MGA: variants seen among roughly 807,000 people sequenced by gnomAD.
MGA encodes the protein MAX gene-associated protein.
A neutral mutation model predicts 261.1 loss-of-function variants in MGA; 40 were observed. The observed-to-expected ratio is 0.15, with a 90% confidence interval of 0.12 to 0.20. The LOEUF is 0.20. Ranked by LOEUF, MGA falls within the 10% of genes least tolerant of loss-of-function variation. The probability of loss-of-function intolerance (pLI) is 1.00; values close to 1 mark genes in which losing one functional copy is unlikely to be tolerated. For synonymous variants in MGA, 1,302 were observed against 1,290.6 expected, an observed-to-expected ratio of 1.01 and a Z score of -0.19; for missense variants, 3,397 against 3,630.5, an observed-to-expected ratio of 0.94 and a Z score of 1.65.
Position 41,743,121 on chromosome 15 carries a change from C to G in MGA, c.5161C>G (p.Pro1721Ala). 1 of 1,613,384 alleles carries G rather than the reference C, an allele frequency of 6.2e-7. No individual in the cohort carries two copies. Among genetic ancestry groups the G allele is most frequent in the Non-Finnish European group, 8.5e-7 (1 of 1,179,602 alleles). ...ACCAACTTCATCTCTGGGCTCTGTT[C>G]CTATTATACTCTCAGGAATTAATGG... is the stretch of plus-strand genomic sequence containing the variant. Residue 1721 changes from proline (P) to alanine (A), a missense_variant, in exon 15 of 24, where the codon CCT (proline) becomes GCT (alanine). Pro to Ala is a conservative substitution (Grantham distance 27). Around this residue, in one of 9 missense-constraint regions of MGA, gnomAD observed 1,410 missense variants for 1,386.4 expected, o/e 1.02. Transcript: ENST00000219905.
At chr15:41,752,549 G>GTTTTTT (rs35282917) in intron 17 of MGA, among the ~76,000 whole-genome samples, 2 of 102,140 alleles carry the variant, frequency 2.0e-5, no homozygotes, top group Non-Finnish European at 3.7e-5. Context: ...AACCTTTAAA[G>GTTTTTT]TTTTTTTTTT....
Position 41,699,393 on chromosome 15 carries a change from A to G in MGA, c.2188+234A>G, listed in dbSNP as rs531887796. On this transcript the variant is annotated intron_variant, in intron 5 of 23. Coordinates refer to ENST00000219905, the MANE Select transcript of MGA (RefSeq NM_001164273.2). ...ATGTCTAATATCTTATGTAAGAAAA[A>G]AATGTATCATGGTAAAGCAAGTGAT... 5.9e-5 allele frequency among the ~76,000 whole-genome samples: 9 copies of G among 152,306 alleles called. No individual in the cohort carries two copies. In the East Asian group the frequency reaches 1.7e-3, roughly 29 times the overall value.
At chr15:41,714,583 A>G (rs918310624) in intron 9 of MGA, among the ~76,000 whole-genome samples, 3 of 152,202 alleles carry the variant, frequency 2.0e-5, no homozygotes, top group Non-Finnish European at 4.4e-5. Context: ...AGCTCACTGC[A>G]ACCTCCACCT....
At chr15:41,633,919 T>C (rs2056646755) in intron 1 of MGA, among the ~76,000 whole-genome samples, 1 of 152,140 alleles carries the variant, frequency 6.6e-6, no homozygotes. Flanking sequence ...TCTGACCTTA[T>C]CTCTTAACAC....
upstream of MGA, among the ~76,000 whole-genome samples, chr15:41,659,182 C>T (rs1234382016): frequency 3.9e-5 from 6 of 152,148 alleles, no homozygotes; most frequent in Non-Finnish European, 7.4e-5. Context: ...GTAGCCTACA[C>T]GTTTTCTAGT....
At chr15:41,624,248 T>G (rs2056388526) in intron 1 of MGA, among the ~76,000 whole-genome samples, 1 of 151,246 alleles carries the variant, frequency 6.6e-6, no homozygotes, top group Non-Finnish European at 1.5e-5. Flanking sequence ...TATTTTTTTT[T>G]TTTTAATTTT....
intron 2 of MGA, among the ~76,000 whole-genome samples, chr15:41,685,921 C>T (rs1257629063): frequency 2.0e-5 from 3 of 150,966 alleles, no homozygotes; most frequent in Non-Finnish European, 4.4e-5. Flanking sequence ...AGGAGAATGG[C>T]GTGTACCCGG....
At chr15:41,752,855 G>A (rs1324967949) in intron 17 of MGA, among the ~76,000 whole-genome samples, 1 of 152,034 alleles carries the variant, frequency 6.6e-6, no homozygotes, top group African/African-American at 2.4e-5. Flanking sequence ...AACTGCCTCC[G>A]GCCTGAAGTA....
At chr15:41,664,997 A>G (rs1463028826) in intron 1 of MGA, among the ~76,000 whole-genome samples, 1 of 152,176 alleles carries the variant, frequency 6.6e-6, no homozygotes, top group Non-Finnish European at 1.5e-5. Flanking sequence ...CTTTCCTGAT[A>G]TTAGTGCTTT....
intron 1 of MGA, among the ~76,000 whole-genome samples, chr15:41,635,824 T>G (rs2150579318): frequency 1.3e-5 from 2 of 152,326 alleles, no homozygotes; most frequent in East Asian, 3.9e-4. Flanking sequence ...CTGAAAAATT[T>G]CTGTTGCATA....
intron 1 of MGA, among the ~76,000 whole-genome samples, chr15:41,629,102 T>A (rs2056530557): frequency 8.1e-6 from 1 of 122,942 alleles, no homozygotes; most frequent in Non-Finnish European, 1.7e-5. Flanking sequence ...CAAGACTTCG[T>A]CTCAAAAAAA....
rs1161282046 is a variant in MGA at position 41,760,490 on chromosome 15, T to A, written c.7359T>A (p.Leu2453=). 7 of 1,613,930 alleles carry A rather than the reference T, an allele frequency of 4.3e-6. No homozygotes were observed. The Admixed American group carries it at 5.0e-5, about 12-fold the overall frequency. ...AATTAAAGATCACATTGGGATTACTTCATTCTTCCAAGGTTTCCAAAAGTC... is the reference window on the plus strand; with the variant it reads ...AATTAAAGATCACATTGGGATTACTACATTCTTCCAAGGTTTCCAAAAGTC... Residue 2453 remains leucine (L), a synonymous_variant, in exon 20 of 24, where the codon CTT becomes CTA. Transcript: ENST00000219905.
In MGA at chr15:41,764,930, G is replaced by T; in HGVS notation, c.7789G>T (p.Val2597Leu). Residue 2597 changes from valine (V) to leucine (L), a missense_variant, in exon 23 of 24, where the codon GTG (valine) becomes TTG (leucine). By Grantham distance (32) the Val-to-Leu change is conservative. This residue lies in a region of MGA where 647 missense variants were observed against 642.4 expected (regional missense o/e 1.01). Transcript: ENST00000219905. ...CACTCCACACACCTCTGCCAACCTT[G>T]TGATGACTCCGCAAGGGCAATTGCT... The T allele has an allele frequency of 6.2e-7, 1 of 1,613,992 alleles. No homozygotes were observed. The highest frequency in any genetic ancestry group is 8.5e-7 in the Non-Finnish European group (1 of 1,179,886).
intron 9 of MGA, among the ~76,000 whole-genome samples, chr15:41,716,014 C>T (rs796730675): frequency 3.9e-5 from 6 of 152,238 alleles, no homozygotes; most frequent in African/African-American, 1.4e-4. Context: ...GTGCCCTATC[C>T]TTGACTATAA....
intron 11 of MGA, 89 bp from the exon 12 acceptor site, chr15:41,734,433 C>G: frequency 9.9e-7 from 1 of 1,007,918 alleles, no homozygotes; most frequent in East Asian, 2.6e-5. Context: ...ATTTAAACTT[C>G]TGTGAGAGAT....
At chr15:41,642,072 A>T (rs915246400) in intron 1 of MGA, among the ~76,000 whole-genome samples, 1 of 152,136 alleles carries the variant, frequency 6.6e-6, no homozygotes, top group Non-Finnish European at 1.5e-5. Context: ...AAGTGCTGGG[A>T]TTACAGGTTT....
chr15:41,764,880 T>G lies in MGA; in HGVS notation c.7745-6T>G, dbSNP rs751646097. The G allele has an allele frequency of 6.2e-7, 1 of 1,613,632 alleles. No individual in the cohort carries two copies. The highest frequency in any genetic ancestry group is 2.2e-5 in the East Asian group (1 of 44,870). ...ATCTATAACTAATTTCTGATCTTTCTTACAGAAAATACCTCACCCTTGAAC... is the reference window on the plus strand; with the variant it reads ...ATCTATAACTAATTTCTGATCTTTCGTACAGAAAATACCTCACCCTTGAAC... On this transcript the variant is annotated splice_region_variant and splice_polypyrimidine_tract_variant and intron_variant, in intron 22 of 23. Coordinates refer to ENST00000219905, the MANE Select transcript of MGA (RefSeq NM_001164273.2).
At chr15:41,675,555 T>G (rs910426559) in intron 2 of MGA, among the ~76,000 whole-genome samples, 2 of 152,060 alleles carry the variant, frequency 1.3e-5, no homozygotes, top group African/African-American at 4.8e-5. Flanking sequence ...TAAAAAAGAT[T>G]TATGTAGAAA....
chr15:41,728,381 C>G (rs1395557359), intron 10 of MGA, among the ~76,000 whole-genome samples: 1 of 152,146 alleles, frequency 6.6e-6, no homozygotes, highest in Non-Finnish European at 1.5e-5. Flanking sequence ...GGCCGCTGAT[C>G]TCCACGCAGT....
Sources: allele counts gnomAD v4.1 joint callset (sites outside exome capture counted in the v4.1 genomes callset), GRCh38; gene constraint gnomAD v4.1.1; regional missense constraint gnomAD v4.1.1; transcripts MANE v1.5; gene names NCBI Gene and HGNC (gene_info 2026-07-23, HGNC 2026-07-21).